The following LRRC49 variants were observed in gnomAD, a reference collection of about 807,000 sequenced individuals.
LRRC49 encodes the protein leucine rich repeat containing 49.
In LRRC49, 50 loss-of-function variants were observed where a neutral mutation model predicts 83.3. The observed-to-expected ratio is 0.60, with a 90% CI of 0.48 to 0.76. The LOEUF (loss-of-function observed/expected upper bound fraction) is 0.76. Among genes scored for constraint, LRRC49 ranks in the 30% least tolerant of loss-of-function variants. The pLI, the probability that LRRC49 is intolerant of heterozygous loss-of-function variation, is 0.00. For synonymous variants in LRRC49, 286 were observed against 283.3 expected (o/e 1.01, Z -0.10); for missense variants, 704 against 809.1 (o/e 0.87, Z 1.58).
chr15:70,958,757 A>G (rs1199212835), intron 8 of LRRC49, among the ~76,000 whole-genome samples: 1 of 152,230 alleles, frequency 6.6e-6, no homozygotes, highest in East Asian at 1.9e-4. Flanking sequence ...CATGTCTCAA[A>G]CACTATGAGT....
chr15:71,012,509 AT>A (rs754753163), intron 13 of LRRC49, among the ~76,000 whole-genome samples: 9 of 151,940 alleles, frequency 5.9e-5, no homozygotes, highest in Non-Finnish European at 1.0e-4. Flanking sequence ...AAAAAAAAAA[AT>A]ACTAAAAATT....
chr15:70,932,490 G>C (rs2035442978), intron 7 of LRRC49, among the ~76,000 whole-genome samples: 1 of 151,970 alleles, frequency 6.6e-6, no homozygotes, highest in African/African-American at 2.4e-5. Context: ...ACTCTAACTT[G>C]TTTTGTATGA....
At position 70,900,903 on chromosome 15, in the gene LRRC49, T is replaced by G; in HGVS notation, c.194-19T>G. On this transcript the variant is annotated intron_variant, in intron 3 of 15. Transcript: ENST00000260382. ...GAAGGTTTTTCTTAATTAAGTAATT[T>G]GTATATCATTTTTAATAGGTGATCA... 1 of 1,438,862 alleles carries G rather than the reference T, an allele frequency of 6.9e-7. No homozygotes were observed. The highest frequency in any genetic ancestry group is 9.7e-7 in the Non-Finnish European group (1 of 1,033,174). The allele number at this position is 1,438,862 out of a possible 1,614,324, so 89.1% of individuals were successfully genotyped here.
chr15:70,929,609 A>G (rs1015927515), intron 7 of LRRC49, among the ~76,000 whole-genome samples: 2 of 152,174 alleles, frequency 1.3e-5, no homozygotes, highest in African/African-American at 4.8e-5. Flanking sequence ...TTCATGAAAG[A>G]TTTCTCTGTA....
At chr15:70,942,658 C>A (rs887707793) in intron 8 of LRRC49, among the ~76,000 whole-genome samples, 1 of 152,026 alleles carries the variant, frequency 6.6e-6, no homozygotes, top group Non-Finnish European at 1.5e-5. Flanking sequence ...GACCATGGAC[C>A]GTGACACAGC....
chr15:70,899,511 T>C (rs1472854491), intron 3 of LRRC49, among the ~76,000 whole-genome samples: 1 of 152,134 alleles, frequency 6.6e-6, no homozygotes, highest in Non-Finnish European at 1.5e-5. Flanking sequence ...GAATATGATG[T>C]CAATTCTGAA....
chr15:70,888,090 G>A (rs2033458074), upstream of LRRC49, among the ~76,000 whole-genome samples: 1 of 152,098 alleles, frequency 6.6e-6, no homozygotes, highest in South Asian at 2.1e-4. Flanking sequence ...AGTCAATATT[G>A]TCAATATGCC....
chr15:70,866,475 G>T (rs1032134776), intron 1 of LRRC49, among the ~76,000 whole-genome samples: 3 of 152,150 alleles, frequency 2.0e-5, no homozygotes, highest in African/African-American at 7.2e-5. Context: ...TGAGGCTGCA[G>T]CCCACTGGTA....
intron 11 of LRRC49, among the ~76,000 whole-genome samples, chr15:71,004,610 A>T (rs1424181768): frequency 1.3e-5 from 2 of 151,594 alleles, no homozygotes; most frequent in Non-Finnish European, 2.9e-5. Context: ...AGATTGTGCC[A>T]CTGCACTCCA....
At chr15:70,924,725 A>C (rs1335895040) in intron 7 of LRRC49, among the ~76,000 whole-genome samples, 1 of 151,954 alleles carries the variant, frequency 6.6e-6, no homozygotes, top group African/African-American at 2.4e-5. Context: ...TTCTTCCCAA[A>C]ATATATCATT....
At chr15:70,913,169 C>G (rs182789937) in intron 6 of LRRC49, among the ~76,000 whole-genome samples, 2 of 152,142 alleles carry the variant, frequency 1.3e-5, no homozygotes, top group African/African-American at 2.4e-5. Context: ...CTGGGATGAT[C>G]GGGGAATCCC....
At chr15:71,037,381 A>C in intron 15 of LRRC49, 49 bp downstream of exon 15, 2 of 1,444,954 alleles carry the variant, frequency 1.4e-6, no homozygotes, top group Non-Finnish European at 1.9e-6. Flanking sequence ...TATATCCCAC[A>C]TGGCTTGGAA....
At chr15:71,047,798 A>G (rs2039896027) in intron 15 of LRRC49, among the ~76,000 whole-genome samples, 1 of 152,070 alleles carries the variant, frequency 6.6e-6, no homozygotes, top group South Asian at 2.1e-4. Flanking sequence ...GTTTTTTGAG[A>G]CAGAGTCTTG....
At chr15:70,936,228 C>T (rs572340152) in intron 7 of LRRC49, among the ~76,000 whole-genome samples, 113 of 152,132 alleles carry the variant, frequency 7.4e-4, no homozygotes, top group Non-Finnish European at 1.4e-3. Context: ...GTGACACTTA[C>T]CATGATTTGC....
intron 5 of LRRC49, among the ~76,000 whole-genome samples, chr15:70,905,105 C>A (rs1020817417): frequency 1.3e-5 from 2 of 152,172 alleles, no homozygotes; most frequent in African/African-American, 4.8e-5. Flanking sequence ...TGACTCTTCC[C>A]AGTGTTTGAC....
chr15:70,881,545 T>G (rs906996546), intron 2 of LRRC49: 1 of 152,202 alleles, frequency 6.6e-6, no homozygotes, highest in Non-Finnish European at 1.5e-5. Flanking sequence ...TATAGTATGC[T>G]TCTCAGAAAC....
chr15:70,953,980 C>T (rs756942685), intron 8 of LRRC49, among the ~76,000 whole-genome samples: 20 of 152,116 alleles, frequency 1.3e-4, no homozygotes, highest in Non-Finnish European at 1.9e-4. Flanking sequence ...CTGCAACCTC[C>T]ACCTCCTGGG....
At chr15:70,987,828 A>G (rs1364096135) in intron 11 of LRRC49, among the ~76,000 whole-genome samples, 3 of 151,970 alleles carry the variant, frequency 2.0e-5, no homozygotes, top group Non-Finnish European at 4.4e-5. Flanking sequence ...CGATTCTGGT[A>G]TGTTGTGTCT....
chr15:70,990,896 G>T (rs1224283706), intron 11 of LRRC49, among the ~76,000 whole-genome samples: 1 of 152,180 alleles, frequency 6.6e-6, no homozygotes, highest in African/African-American at 2.4e-5. Context: ...GAGGTCTGAA[G>T]TTTAAACTTC....
Sources: gnomAD v4.1 joint callset for allele counts (sites outside exome capture counted in the v4.1 genomes callset) on GRCh38, gnomAD v4.1.1 for gene constraint, MANE v1.5 for transcripts, NCBI Gene and HGNC (gene_info 2026-07-23, HGNC 2026-07-21) for gene names.